AKAP6: variants seen among roughly 807,000 people sequenced by gnomAD.
The protein encoded by AKAP6 is A-kinase anchor protein 6.
In AKAP6, 58 loss-of-function variants were observed where a neutral mutation model predicts 188.5. The observed-to-expected ratio is 0.31, with a 90% CI of 0.25 to 0.38. AKAP6 has a LOEUF of 0.38. Ranked by LOEUF, AKAP6 falls within the 10% of genes least tolerant of loss-of-function variation. AKAP6 has a pLI of 1.00. For synonymous variants in AKAP6, 989 were observed against 998.6 expected (o/e 0.99, Z 0.18); for missense variants, 2,710 against 2,740.0 (o/e 0.99, Z 0.24).
At chr14:32,749,358 T>A (rs962230567) in intron 11 of AKAP6, among the ~76,000 whole-genome samples, 2 of 152,230 alleles carry the variant, frequency 1.3e-5, no homozygotes, top group Non-Finnish European at 2.9e-5. Context: ...TTTAAGTAGA[T>A]CAGCCAATAG....
intron 5 of AKAP6, among the ~76,000 whole-genome samples, chr14:32,579,181 C>G (rs570115080): frequency 6.6e-6 from 1 of 152,224 alleles, no homozygotes; most frequent in East Asian, 1.9e-4. Flanking sequence ...GTGACCGTAA[C>G]GAACGGCAAT....
chr14:32,612,046 G>T (rs1279561604), intron 7 of AKAP6, among the ~76,000 whole-genome samples: 1 of 152,070 alleles, frequency 6.6e-6, no homozygotes, highest in African/African-American at 2.4e-5. Context: ...GCTGAGGAGG[G>T]ACTAGAGAAC....
At chr14:32,700,560 T>C (rs1023146858) in intron 9 of AKAP6, among the ~76,000 whole-genome samples, 1 of 152,220 alleles carries the variant, frequency 6.6e-6, no homozygotes, top group Non-Finnish European at 1.5e-5. Flanking sequence ...GGTTATCCCA[T>C]AAGATTATAA....
chr14:32,765,602 T>C (rs995200915), intron 11 of AKAP6, among the ~76,000 whole-genome samples: 6 of 151,952 alleles, frequency 3.9e-5, no homozygotes, highest in Non-Finnish European at 8.8e-5. Context: ...ATTTTTATCA[T>C]ACAGCAGAAT....
rs546819675 is a variant in AKAP6, at chr14:32,811,255, A to AAAAAAAAAAAAAT, written c.3589-10146_3589-10145insAAAAAAAAAAATA. Among the ~76,000 whole-genome samples the AAAAAAAAAAAAAT allele has an allele frequency of 5.6e-3, 663 of 118,302 alleles. 50 individuals are homozygous for AAAAAAAAAAAAAT. Among genetic ancestry groups the AAAAAAAAAAAAAT allele is most frequent in the African/African-American group, 0.013 (419 of 31,546 alleles). 77.6% of individuals were successfully genotyped at this position (118,302 alleles called of 152,430 possible). On this transcript the variant is annotated intron_variant, in intron 12 of 13. Coordinates refer to ENST00000280979, the MANE Select transcript of AKAP6 (RefSeq NM_004274.5). ...CTCCGTCTCAGGAAAAAAAAAAAAA[A>AAAAAAAAAAAAAT]AGTTGAAAAACAGACTAAGATAATG...
chr14:32,556,373 T>G (rs1240920973), intron 4 of AKAP6, among the ~76,000 whole-genome samples: 2 of 152,170 alleles, frequency 1.3e-5, no homozygotes, highest in Non-Finnish European at 2.9e-5. Flanking sequence ...GACAGGGTCT[T>G]GCTCTGTCAC....
chr14:32,785,242 T>A (rs1021126818), intron 12 of AKAP6, among the ~76,000 whole-genome samples: 5 of 152,158 alleles, frequency 3.3e-5, no homozygotes, highest in Admixed American at 2.0e-4. Context: ...TGAATAGAAT[T>A]AACTATTGGT....
chr14:32,629,473 T>C (rs939549336), intron 7 of AKAP6, among the ~76,000 whole-genome samples: 9 of 149,584 alleles, frequency 6.0e-5, no homozygotes, highest in South Asian at 2.1e-4. Context: ...TTTTTTTTTT[T>C]CCACAATGTG....
chr14:32,590,843 C>T lies in AKAP6; in HGVS notation c.2470-8567C>T, dbSNP rs141983995. Among the ~76,000 whole-genome samples, 514 of 152,152 alleles carry T rather than the reference C, an allele frequency of 3.4e-3. 3 individuals carry two copies. Among genetic ancestry groups the T allele is most frequent in the African/African-American group, 0.012 (490 of 41,498 alleles). On this transcript the variant is annotated intron_variant, in intron 5 of 13. Transcript: ENST00000280979. ...ATGTTACTGTTTTAAAATATGAAGA[C>T]GGTATGACTAGACAGGATGTTAATA... is the stretch of plus-strand genomic sequence containing the variant.
chr14:32,402,829 C>T (rs560816362), intron 1 of AKAP6, among the ~76,000 whole-genome samples: 3 of 151,972 alleles, frequency 2.0e-5, no homozygotes, highest in Admixed American at 1.3e-4. Context: ...TCATGGGCTC[C>T]AGCGATTCTC....
chr14:32,509,228 G>T (rs909054661), intron 2 of AKAP6, among the ~76,000 whole-genome samples: 3 of 148,446 alleles, frequency 2.0e-5, no homozygotes, highest in Middle Eastern at 3.4e-3. Flanking sequence ...GGGTTCAAGC[G>T]ATTCTCGTAC....
chr14:32,391,202 A>T (rs1463209662), intron 1 of AKAP6, among the ~76,000 whole-genome samples: 1 of 152,184 alleles, frequency 6.6e-6, no homozygotes, highest in Non-Finnish European at 1.5e-5. Flanking sequence ...CAAATAGCAG[A>T]TAACATGCAA....
intron 2 of AKAP6, among the ~76,000 whole-genome samples, chr14:32,519,431 T>C (rs1320270559): frequency 6.6e-6 from 1 of 152,122 alleles, no homozygotes; most frequent in Non-Finnish European, 1.5e-5. Flanking sequence ...CCCATCAGTG[T>C]GCTGTATTCA....
intron 7 of AKAP6, among the ~76,000 whole-genome samples, chr14:32,612,371 G>A (rs1886384676): frequency 6.6e-6 from 1 of 152,064 alleles, no homozygotes; most frequent in African/African-American, 2.4e-5. Context: ...AATTTTGTTT[G>A]ATTATAATAA....
At chr14:32,780,157 C>CCATAT (rs142218168) in intron 12 of AKAP6, among the ~76,000 whole-genome samples, 3 of 119,388 alleles carry the variant, frequency 2.5e-5, no homozygotes, top group East Asian at 2.4e-4. Context: ...AAAAAAAAAA[C>CCATAT]ATATATATAT....
intron 2 of AKAP6, among the ~76,000 whole-genome samples, chr14:32,476,755 A>G (rs1480233871): frequency 1.3e-5 from 2 of 152,202 alleles, no homozygotes; most frequent in African/African-American, 2.4e-5. Context: ...GATTGCTGCA[A>G]GAGAAAGTGA....
rs535175732 is a variant in AKAP6 at position 32,567,393 on chromosome 14, G to T, written c.2347-9727G>T. ...ATGTGTTTAGATAATACTGTTTTCT[G>T]TCTTCTTGGCTCCCATGACAGTACA... is the stretch of plus-strand genomic sequence containing the variant. On this transcript the variant is annotated intron_variant, in intron 4 of 13. Coordinates refer to ENST00000280979, the MANE Select transcript of AKAP6 (RefSeq NM_004274.5). 1.2e-4 allele frequency among the ~76,000 whole-genome samples: 18 copies of T among 152,128 alleles called. No individual in the cohort carries two copies. The East Asian group carries it at 1.9e-3, about 16-fold the overall frequency.
At chr14:32,665,671 G>T (rs2139592722) in intron 7 of AKAP6, among the ~76,000 whole-genome samples, 1 of 152,222 alleles carries the variant, frequency 6.6e-6, no homozygotes, top group South Asian at 2.1e-4. Flanking sequence ...AGAAAGGCAG[G>T]CGAACATTAG....
rs1287121296 is a variant in AKAP6 at position 32,433,737 on chromosome 14, G to A, written c.244G>A (p.Glu82Lys). The A allele has an allele frequency of 6.2e-7, 1 of 1,614,106 alleles. No individual in the cohort carries two copies. The highest frequency in any genetic ancestry group is 1.7e-5 in the Admixed American group (1 of 60,008). Residue 82 changes from glutamate (E) to lysine (K), a missense_variant, in exon 2 of 14, where the codon GAG becomes AAG. Physicochemically the swap from Glu to Lys is moderately conservative, Grantham distance 56. This residue lies in a region of AKAP6 where 237 missense variants were observed against 313.9 expected (regional missense o/e 0.76). Coordinates refer to ENST00000280979, the MANE Select transcript of AKAP6 (RefSeq NM_004274.5). ...TGAGACCTGGCTCCGGATGACCTCA[G>A]AGAGGGTCCGAGACCTAACCTATTC... is the stretch of plus-strand genomic sequence containing the variant. ...EIETWLRMTS[E>K]RVRDLTYSVQ... is the part of the protein sequence containing the mutation.
Sources: allele counts gnomAD v4.1 joint callset (sites outside exome capture counted in the v4.1 genomes callset), GRCh38; gene constraint gnomAD v4.1.1; regional missense constraint gnomAD v4.1.1; transcripts MANE v1.5; gene names NCBI Gene and HGNC (gene_info 2026-07-23, HGNC 2026-07-21).